The following FAM83H variants were observed in gnomAD, a reference collection of about 807,000 sequenced individuals.
FAM83H encodes the protein scaffolding CK1 anchoring protein H, also known as protein FAM83H.
Under a neutral mutation model 30.2 loss-of-function variants are expected in FAM83H, and 24 were observed. The ratio of observed to expected loss-of-function variants is 0.79; its 90% CI spans 0.57 to 1.12. FAM83H has a LOEUF of 1.12. FAM83H is among the 50% of genes most tolerant of loss of function. FAM83H has a pLI of 0.00. For missense variants in FAM83H, 2,038 were observed against 1,773.9 expected, an observed-to-expected ratio of 1.15 and a Z score of -2.67; for synonymous variants, 1,013 against 821.7, an observed-to-expected ratio of 1.23 and a Z score of -3.98.
rs1331036412 is a variant in FAM83H at position 143,726,062 on chromosome 8, G to A, written c.3399C>T (p.Tyr1133=). The A allele has an allele frequency of 1.9e-6, 3 of 1,612,334 alleles. No homozygotes were observed. Among genetic ancestry groups the A allele is most frequent in the Non-Finnish European group, 2.5e-6 (3 of 1,179,744 alleles). The change falls in exon 5 of 5, where the codon TAC becomes TAT. Residue 1133 remains tyrosine (Y), a synonymous_variant. Coordinates refer to ENST00000388913, the MANE Select transcript of FAM83H (RefSeq NM_198488.5). ...MESMRKEKRV[Y]SRFEVFCKKE... ...TCTTGCAGAAGACCTCGAAGCGGCT[G>A]TACACGCGCTTCTCCTTGCGCATGC...
At chr8:143,731,363 A>G (rs1035767090) in intron 1 of FAM83H, 2 of 985,252 alleles carry the variant, frequency 2.0e-6, no homozygotes, top group Non-Finnish European at 2.4e-6. Flanking sequence ...GAGGGTCCAC[A>G]TGACACCACG....
rs1554621448 is a variant in FAM83H, at chr8:143,725,935, T to C, written c.3526A>G (p.Lys1176Glu). The C allele has an allele frequency of 6.2e-7, 1 of 1,612,952 alleles. No homozygotes were observed. The highest frequency in any genetic ancestry group is 1.1e-5 in the South Asian group (1 of 91,070). ...GGCCAGAAGACTCACTTCTTGCTTTTGAACGTGCCCAGGATCTTGGGCACG... is the reference window on the plus strand; with the variant it reads ...GGCCAGAAGACTCACTTCTTGCTTTCGAACGTGCCCAGGATCTTGGGCACG... ...KFVPKILGTF[K>E]SKK The change falls in exon 5 of 5, where the codon AAA becomes GAA. Residue 1176 changes from lysine (K) to glutamate (E), a missense_variant. Coordinates refer to ENST00000388913, the MANE Select transcript of FAM83H (RefSeq NM_198488.5).
rs1334618665 is a variant in FAM83H at position 143,726,563 on chromosome 8, G to A, written c.2898C>T (p.Ser966=). The part of the protein sequence containing the change: ...SGPMEVLRKG[S]LRLRQLLSPK... ...GGCTCAGCAGCTGCCTAAGACGCAA[G>A]GAGCCTTTGCGCAGGACTTCCATGG... The change falls in exon 5 of 5, where the codon TCC becomes TCT. Residue 966 remains serine (S), a synonymous_variant. Transcript: ENST00000388913. The A allele has an allele frequency of 4.4e-6, 7 of 1,603,556 alleles. No homozygotes were observed. The highest frequency in any genetic ancestry group is 1.3e-5 in the African/African-American group (1 of 74,884).
chr8:143,731,978 G>A, intron 1 of FAM83H: 4 of 985,468 alleles, frequency 4.1e-6, no homozygotes, highest in Non-Finnish European at 4.8e-6. Flanking sequence ...CCTCGGGTTG[G>A]GGAGGGAGGC....
chr8:143,731,259 G>A (rs899055361), intron 1 of FAM83H: 50 of 862,124 alleles, frequency 5.8e-5, no homozygotes, highest in Middle Eastern at 1.2e-3. Flanking sequence ...AGCTGGTGCC[G>A]CCCATGCTGC....
intron 2 of FAM83H, 53 bp downstream of exon 2, chr8:143,730,083 G>C: frequency 7.0e-7 from 1 of 1,423,570 alleles, no homozygotes; most frequent in Non-Finnish European, 9.4e-7. Flanking sequence ...CTCCACCCCC[G>C]TGCCTCTAGC....
In FAM83H at chr8:143,727,796, C is replaced by T; in HGVS notation, c.1665G>A (p.Arg555=). 7.4e-7 allele frequency: 1 copy of T among 1,350,300 alleles called. No homozygotes were observed. Among genetic ancestry groups the T allele is most frequent in the East Asian group, 3.2e-5 (1 of 31,560 alleles). The allele number at this position is 1,350,300 out of a possible 1,614,324, so 83.6% of individuals were successfully genotyped here. ...TQRFPCQAAA[R]PGPDPAPEAE... ...CCTCGGGAGCGGGGTCTGGGCCCGGCCTCGCCGCGGCCTGGCATGGGAAGC... is the reference window on the plus strand; with the variant it reads ...CCTCGGGAGCGGGGTCTGGGCCCGGTCTCGCCGCGGCCTGGCATGGGAAGC... The change falls in exon 5 of 5, where the codon AGG becomes AGA. Residue 555 remains arginine (R), a synonymous_variant. Transcript: ENST00000388913.
Position 143,724,233 on chromosome 8 carries a change from T to G in FAM83H, c.*1688A>C, listed in dbSNP as rs1818200808. The G allele has an allele frequency of 6.6e-6, 1 of 152,230 alleles. No individual in the cohort carries two copies. Among genetic ancestry groups the G allele is most frequent in the Non-Finnish European group, 1.5e-5 (1 of 68,042 alleles). 9.4% of individuals were successfully genotyped at this position (152,230 alleles called of 1,614,324 possible). A position where few individuals can be genotyped will look rare whatever the true frequency, so the allele number is the denominator to read the frequency against. On this transcript the variant is annotated 3_prime_UTR_variant, in exon 5 of 5. Coordinates refer to ENST00000388913, the MANE Select transcript of FAM83H (RefSeq NM_198488.5). ...CTTGCACGGTGGTTTTGGTAACCAG[T>G]GGGCTGTGCAGGAGTGAAAGTGGGG... is the stretch of plus-strand genomic sequence containing the variant.
Position 143,727,023 on chromosome 8 carries a change from GAC to G in FAM83H, c.2436_2437del (p.Ser813AlafsTer52). On this transcript the variant is annotated frameshift_variant, in exon 5 of 5. Coordinates refer to ENST00000388913, the MANE Select transcript of FAM83H (RefSeq NM_198488.5). LOFTEE classifies it low-confidence loss of function (END_TRUNC). ...GTCGAGCAGCTGCGCCGCGGTGAGC[GAC>G]GCGGCTCCCGGCTGCCGCTCCGCCT... is the stretch of plus-strand genomic sequence containing the variant. The G allele has an allele frequency of 1.3e-6, 2 of 1,565,342 alleles. No individual in the cohort carries two copies. Among genetic ancestry groups the G allele is most frequent in the Non-Finnish European group, 1.7e-6 (2 of 1,159,800 alleles).
chr8:143,728,983 T>C lies in FAM83H; in HGVS notation c.721A>G (p.Met241Val). The change falls in exon 4 of 5, where the codon ATG becomes GTG. Residue 241 changes from methionine to valine, a missense_variant. Coordinates refer to ENST00000388913, the MANE Select transcript of FAM83H (RefSeq NM_198488.5). ...KFLLVDCAVVMSGSYSFMWSF... is the reference protein window; with the variant it reads ...KFLLVDCAVVVSGSYSFMWSF... ...CGGGCGCACCTGTAGCTCCCACTCA[T>C]CACCACGGCACAGTCCACCAGCAGG... The C allele has an allele frequency of 2.5e-6, 4 of 1,613,620 alleles. No individual in the cohort carries two copies. Among genetic ancestry groups the C allele is most frequent in the Non-Finnish European group, 3.4e-6 (4 of 1,179,974 alleles).
At chr8:143,728,856 G>C in intron 4 of FAM83H, 111 bp downstream of exon 4, 1 of 1,599,090 alleles carries the variant, frequency 6.3e-7, no homozygotes, top group Non-Finnish European at 8.5e-7. Flanking sequence ...GGCTGTGCAG[G>C]GGTCTACAGG....
rs1818401855 is a variant in FAM83H at position 143,728,654 on chromosome 8, G to A, written c.807C>T (p.Ser269=). 1 of 1,606,092 alleles carries A rather than the reference G, an allele frequency of 6.2e-7. No homozygotes were observed. The highest frequency in any genetic ancestry group is 1.1e-5 in the South Asian group (1 of 91,088). ...AGAGGATGCGGAACTCCTCGTCGAA[G>A]CTGGAGACCAGCTCTCCTTGGAACA... ...AHVFQGELVS[S]FDEEFRILFA... Residue 269 remains serine, a synonymous_variant, in exon 5 of 5, where the codon AGC becomes AGT. Transcript: ENST00000388913.
In FAM83H at chr8:143,727,745, G is replaced by A; in HGVS notation, c.1716C>T (p.Pro572=). Residue 572 remains proline, a synonymous_variant, in exon 5 of 5, where the codon CCC becomes CCT. Coordinates refer to ENST00000388913, the MANE Select transcript of FAM83H (RefSeq NM_198488.5). ...PEAEPERRGG[P]EGRAGLRRWR... ...AGCGCCGCAGCCCTGCCCGCCCCTC[G>A]GGCCCGCCCCTGCGCTCCGGCTCCG... is the stretch of plus-strand genomic sequence containing the variant. The A allele has an allele frequency of 1.3e-6, 2 of 1,509,916 alleles. No individual in the cohort carries two copies. The highest frequency in any genetic ancestry group is 1.8e-6 in the Non-Finnish European group (2 of 1,137,048). 93.5% of individuals were successfully genotyped at this position (1,509,916 alleles called of 1,614,324 possible).
chr8:143,731,279 C>T (rs1476530468), intron 1 of FAM83H: 3 of 962,182 alleles, frequency 3.1e-6, no homozygotes, highest in Admixed American at 6.2e-5. Context: ...CCCATGTGTC[C>T]GTCTCTGACT....
chr8:143,728,804 G>A (rs1794300916), intron 4 of FAM83H, 81 bp from the exon 5 acceptor site: 3 of 1,597,558 alleles, frequency 1.9e-6, no homozygotes, highest in South Asian at 1.1e-5. Context: ...GGGGCGCGGA[G>A]GACGCAGGGA....
In FAM83H at chr8:143,725,548, A is replaced by G; in HGVS notation, c.*373T>C. The G allele has an allele frequency of 2.9e-6, 1 of 347,366 alleles. No individual in the cohort carries two copies. The highest frequency in any genetic ancestry group is 5.4e-6 in the Non-Finnish European group (1 of 185,792). The allele number at this position is 347,366 out of a possible 1,614,324, so 21.5% of individuals were successfully genotyped here. On this transcript the variant is annotated 3_prime_UTR_variant, in exon 5 of 5. Transcript: ENST00000388913. Reference sequence around the variant, plus strand: ...GAGGCAGAGGTTGCAGTGAGCCCAGACCGCTCAACTGCACTCCAGCCCTAG... The same window carrying G: ...GAGGCAGAGGTTGCAGTGAGCCCAGGCCGCTCAACTGCACTCCAGCCCTAG...
chr8:143,733,430 C>T lies in FAM83H; in HGVS notation c.-16+261G>A, dbSNP rs1343239060. Among the ~76,000 whole-genome samples, 1 of 152,180 alleles carries T rather than the reference C, an allele frequency of 6.6e-6. No homozygotes were observed. Among genetic ancestry groups the T allele is most frequent in the African/African-American group, 2.4e-5 (1 of 41,458 alleles). ...GGGCAGGCTCGACCCGGATCCCGGG[C>T]CCCTTCCCCCTCGGCTCTTTTCGGG... On this transcript the variant is annotated intron_variant, in intron 1 of 4. Coordinates refer to ENST00000388913, the MANE Select transcript of FAM83H (RefSeq NM_198488.5). The surrounding 1 kb of genome is among the most constrained non-coding windows in gnomAD (Gnocchi z 5.6).
At position 143,730,104 on chromosome 8, in the gene FAM83H, C is replaced by T. The variant is rs782387466; in HGVS notation, c.447+32G>A. 9 of 1,495,680 alleles carry T rather than the reference C, an allele frequency of 6.0e-6. No individual in the cohort carries two copies. The African/African-American group carries it at 8.3e-5, about 14-fold the overall frequency. 92.7% of individuals were successfully genotyped at this position (1,495,680 alleles called of 1,614,324 possible). On this transcript the variant is annotated intron_variant, in intron 2 of 4. Transcript: ENST00000388913. ...CCCCGTGCCTCTAGCCCAGGCCCCT[C>T]CCCCACTACCCTCAAGCCCAAGATG...
chr8:143,728,071 G>C lies in FAM83H; in HGVS notation c.1390C>G (p.Leu464Val). The C allele has an allele frequency of 6.2e-7, 1 of 1,610,540 alleles. No individual in the cohort carries two copies. Among genetic ancestry groups the C allele is most frequent in the Non-Finnish European group, 8.5e-7 (1 of 1,179,278 alleles). Residue 464 changes from leucine (L) to valine (V), a missense_variant, in exon 5 of 5, where the codon CTC becomes GTC. Physicochemically the swap from Leu to Val is conservative, Grantham distance 32. Transcript: ENST00000388913. ...YQQQYQWDPQ[L>V]TPARPQGLFE... ...AGGCCTTGCGGGCGCGCCGGCGTGA[G>C]CTGCGGGTCCCACTGGTACTGCTGC...
Sources: gnomAD v4.1 joint callset for allele counts (sites outside exome capture counted in the v4.1 genomes callset) on GRCh38, gnomAD v4.1.1 for gene constraint, Gnocchi (gnomAD v3.1) non-coding constraint, MANE v1.5 for transcripts, NCBI Gene and HGNC (gene_info 2026-07-23, HGNC 2026-07-21) for gene names.